Variants in LTF observed in about 807,000 individuals in gnomAD.
The protein encoded by LTF is epididymis luminal protein 110.
A neutral mutation model predicts 87.2 loss-of-function variants in LTF; 91 were observed. That is an observed-to-expected ratio of 1.04 (90% confidence interval 0.88 to 1.24). The LOEUF (loss-of-function observed/expected upper bound fraction) is 1.24, where lower values mean the gene tolerates loss of function less well. LTF is among the 50% of genes most tolerant of loss of function. The probability of loss-of-function intolerance (pLI) is 0.00; values close to 1 mark genes in which losing one functional copy is unlikely to be tolerated. For synonymous variants in LTF, 378 were observed against 356.1 expected, an observed-to-expected ratio of 1.06 and a Z score of -0.69; for missense variants, 901 against 904.3, an observed-to-expected ratio of 1.00 and a Z score of 0.05.
intron 1 of LTF, among the ~76,000 whole-genome samples, chr3:46,471,662 A>G (rs1444986944): frequency 6.6e-6 from 1 of 152,128 alleles, no homozygotes; most frequent in Non-Finnish European, 1.5e-5. Context: ...GATGGCCCCT[A>G]CCTCGCCCTG....
At chr3:46,475,121 C>T (rs562485267) in intron 1 of LTF, among the ~76,000 whole-genome samples, 3 of 152,220 alleles carry the variant, frequency 2.0e-5, no homozygotes, top group African/African-American at 4.8e-5. Context: ...ATCCTAAAGA[C>T]AATGGAAGGA....
chr3:46,482,874 GAGAA>G (rs1703470523), intron 1 of LTF, among the ~76,000 whole-genome samples: 1 of 151,738 alleles, frequency 6.6e-6, no homozygotes, highest in South Asian at 2.1e-4. Context: ...GAGAAAGAGA[GAGAA>G]AGAAAACAAA....
chr3:46,480,024 G>A (rs749180351), intron 1 of LTF, among the ~76,000 whole-genome samples: 26 of 152,164 alleles, frequency 1.7e-4, no homozygotes, highest in Non-Finnish European at 3.1e-4. Context: ...CTGAGATGGG[G>A]AAGACTGGGA....
rs939127737 is a variant in LTF at position 46,482,780 on chromosome 3, A to G, written c.-320+2206T>C. Among the ~76,000 whole-genome samples, 15 of 130,644 alleles carry G rather than the reference A, an allele frequency of 1.1e-4. No homozygotes were observed. In the Admixed American group the frequency reaches 1.2e-3, roughly 11 times the overall value. The allele number at this position is 130,644 out of a possible 152,430, so 85.7% of individuals were successfully genotyped here. ...GAAAGAGAAAGAAAGAAAGAAAGAA[A>G]AAGAAAGAAAGAAAGAAGGAAGGAA... is the stretch of plus-strand genomic sequence containing the variant. On this transcript the variant is annotated intron_variant, in intron 1 of 19. Transcript: ENST00000443496.
rs1437258020 is a variant in LTF, at chr3:46,459,202, C to T, written c.207+454G>A. ...TCTCTCTCTCTGAAAGTGTCTTGGA[C>T]AAAAGTCTTTCTAACACCCAGCACC... On this transcript the variant is annotated intron_variant, in intron 2 of 16. Transcript: ENST00000231751. Among the ~76,000 whole-genome samples the T allele has an allele frequency of 5.3e-5, 8 of 152,188 alleles. No homozygotes were observed. In the East Asian group the frequency reaches 1.3e-3, roughly 26 times the overall value.
intron 1 of LTF, among the ~76,000 whole-genome samples, chr3:46,472,007 G>T (rs1351179386): frequency 6.6e-6 from 1 of 152,122 alleles, no homozygotes; most frequent in Admixed American, 6.5e-5. Context: ...GCCTCCAGAG[G>T]GTCCTTGGCA....
chr3:46,463,719 G>C, intron 1 of LTF: 15 of 922,316 alleles, frequency 1.6e-5, no homozygotes, highest in Non-Finnish European at 1.9e-5. Flanking sequence ...TTCCTCTCCT[G>C]CCCCTCCCAG....
chr3:46,468,741 G>C (rs1703247194), upstream of LTF, among the ~76,000 whole-genome samples: 1 of 152,254 alleles, frequency 6.6e-6, no homozygotes, highest in African/African-American at 2.4e-5. Flanking sequence ...CAATAGCTTG[G>C]CAGATGGGAG....
At chr3:46,445,140 G>T in intron 12 of LTF, 141 bp downstream of exon 12, 1 of 849,734 alleles carries the variant, frequency 1.2e-6, no homozygotes. Context: ...GGCAGCCACA[G>T]GGAGAATTTC....
At chr3:46,451,979 A>G (rs1358036148) in intron 6 of LTF, among the ~76,000 whole-genome samples, 1 of 152,254 alleles carries the variant, frequency 6.6e-6, no homozygotes, top group Non-Finnish European at 1.5e-5. Context: ...CCGCAAAATC[A>G]GGAACAAGGC....
intron 3 of LTF, 138 bp from the exon 4 acceptor site, chr3:46,456,116 T>C: frequency 1.0e-6 from 1 of 956,696 alleles, no homozygotes; most frequent in East Asian, 2.6e-5. Flanking sequence ...CCTCCTCTCG[T>C]GGGTCAGCGT....
intron 1 of LTF, among the ~76,000 whole-genome samples, chr3:46,483,671 T>C (rs570948406): frequency 6.6e-6 from 1 of 152,130 alleles, no homozygotes; most frequent in Middle Eastern, 3.4e-3. Context: ...GGGGTGGAAA[T>C]GTTTCTATTC....
At chr3:46,468,238 A>G (rs1238101056), upstream of LTF, 1 of 456,690 alleles carries the variant, frequency 2.2e-6, no homozygotes, top group South Asian at 1.5e-5. Context: ...GTGTACATGG[A>G]CTCATTAACT....
chr3:46,447,266 T>A (rs1251045000), intron 10 of LTF, 42 bp downstream of exon 10: 1 of 1,477,748 alleles, frequency 6.8e-7, no homozygotes, highest in Non-Finnish European at 9.5e-7. Context: ...CCCACTCCCA[T>A]GACCCAGAGG....
intron 14 of LTF, among the ~76,000 whole-genome samples, chr3:46,440,979 G>A (rs1441646751): frequency 6.6e-6 from 1 of 152,232 alleles, no homozygotes. Context: ...ACATGGGGAT[G>A]AATGAAGGCC....
At chr3:46,473,523 C>A (rs1208890347) in intron 1 of LTF, among the ~76,000 whole-genome samples, 1 of 152,220 alleles carries the variant, frequency 6.6e-6, no homozygotes, top group Non-Finnish European at 1.5e-5. Context: ...TCTTACAATG[C>A]TGAAGATCAG....
rs372969890 is a variant in LTF at position 46,457,399 on chromosome 3, A to G, written c.208-1001T>C. On this transcript the variant is annotated intron_variant, in intron 2 of 16. Coordinates refer to ENST00000231751, the MANE Select transcript of LTF (RefSeq NM_002343.6). ...TTCCTGTGAAGACTGTATTTTCATG[A>G]ATATCTTTGTCCTCAGTGTTTTTCC... Among the ~76,000 whole-genome samples, 14 of 152,286 alleles carry G rather than the reference A, an allele frequency of 9.2e-5. No homozygotes were observed. In the South Asian group the frequency reaches 2.9e-3, roughly 32 times the overall value.
chr3:46,445,321 G>A lies in LTF; in HGVS notation c.1473C>T (p.Pro491=), dbSNP rs2106847374. The A allele has an allele frequency of 6.2e-7, 1 of 1,613,580 alleles. No individual in the cohort carries two copies. Among genetic ancestry groups the A allele is most frequent in the South Asian group, 1.1e-5 (1 of 90,986 alleles). The stretch of plus-strand genomic sequence containing the variant: ...CCGTCTGGTTGAAGAGCAGGCCCAT[G>A]GGGATATTCCAGCCTGCAGTCCTGT... ...AVDRTAGWNI[P]MGLLFNQTGS... Residue 491 remains proline, a synonymous_variant, in exon 12 of 17, where the codon CCC becomes CCT. Coordinates refer to ENST00000231751, the MANE Select transcript of LTF (RefSeq NM_002343.6).
intron 7 of LTF, among the ~76,000 whole-genome samples, 171 bp from the exon 8 acceptor site, chr3:46,450,199 C>T (rs756644314): frequency 3.9e-5 from 6 of 152,126 alleles, no homozygotes; most frequent in East Asian, 1.9e-4. Context: ...CCAAGCTCAG[C>T]TATGGCTCAT....
Sources: gnomAD v4.1 joint callset for allele counts (sites outside exome capture counted in the v4.1 genomes callset) on GRCh38, gnomAD v4.1.1 for gene constraint, MANE v1.5 for transcripts, NCBI Gene and HGNC (gene_info 2026-07-23, HGNC 2026-07-21) for gene names.